NXPH4: variants seen among roughly 807,000 people sequenced by gnomAD.
The protein encoded by NXPH4 is neurexophilin-4.
Under a neutral mutation model 21.3 loss-of-function variants are expected in NXPH4, and 8 were observed. The ratio of observed to expected loss-of-function variants is 0.38; its 90% CI spans 0.22 to 0.68. The LOEUF (loss-of-function observed/expected upper bound fraction) is 0.68, where lower values mean the gene tolerates loss of function less well. Among genes scored for constraint, NXPH4 ranks in the 30% least tolerant of loss-of-function variants. The pLI, the probability that NXPH4 is intolerant of heterozygous loss-of-function variation, is 0.53. For synonymous variants in NXPH4, 219 were observed against 192.6 expected, an observed-to-expected ratio of 1.14 and a Z score of -1.13; for missense variants, 418 against 416.8, an observed-to-expected ratio of 1.00 and a Z score of -0.03.
chr12:57,225,791 C>T lies in NXPH4; in HGVS notation c.*44C>T. The T allele has an allele frequency of 6.3e-7, 1 of 1,579,738 alleles. No homozygotes were observed. Among genetic ancestry groups the T allele is most frequent in the South Asian group, 1.2e-5 (1 of 86,374 alleles). On this transcript the variant is annotated 3_prime_UTR_variant, in exon 2 of 2. Transcript: ENST00000349394. ...CCTGAGCCTCCCGCCAAATCCCAGC[C>T]TCACTAGGTGGGACCCCCTTCCCAG...
intron 1 of NXPH4, chr12:57,221,535 C>T (rs1565763065): frequency 5.5e-6 from 2 of 364,172 alleles, no homozygotes; most frequent in Non-Finnish European, 1.1e-5. Context: ...GCCACCTCAA[C>T]TCCCTGCAGG....
intron 1 of NXPH4, chr12:57,221,635 C>G (rs960658686): frequency 5.6e-5 from 16 of 286,826 alleles, no homozygotes; most frequent in Non-Finnish European, 8.5e-5. Flanking sequence ...CTGAACCCCC[C>G]AGCTGCCGCG....
chr12:57,221,519 C>G, intron 1 of NXPH4: 2 of 368,970 alleles, frequency 5.4e-6, no homozygotes, highest in East Asian at 7.5e-5. Flanking sequence ...CCCCCAGCAG[C>G]AGGAGGCCAC....
Position 57,217,014 on chromosome 12 carries a change from G to T in NXPH4, c.45G>T (p.Trp15Cys). 1 of 1,606,650 alleles carries T rather than the reference G, an allele frequency of 6.2e-7. No homozygotes were observed. Among genetic ancestry groups the T allele is most frequent in the South Asian group, 1.1e-5 (1 of 89,860 alleles). Residue 15 changes from tryptophan (W) to cysteine (C), a missense_variant, in exon 1 of 2, where the codon TGG becomes TGT. By Grantham distance (215) the Trp-to-Cys change is radical (BLOSUM62 -2). Coordinates refer to ENST00000349394, the MANE Select transcript of NXPH4 (RefSeq NM_007224.4). Reference sequence around the variant, plus strand: ...GGTTCCTCTTGCTCTTTGGCCCGTGGCTCCTTAGGAAGGTAAGAGTGGCAG... The same window carrying T: ...GGTTCCTCTTGCTCTTTGGCCCGTGTCTCCTTAGGAAGGTAAGAGTGGCAG... The part of the protein sequence containing the change: ...PEWFLLLFGP[W>C]LLRKAVSAQI...
In NXPH4 at chr12:57,225,503, C is replaced by T. The variant is rs375808711; in HGVS notation, c.683C>T (p.Ser228Leu). The T allele has an allele frequency of 7.5e-6, 12 of 1,610,644 alleles. No homozygotes were observed. The highest frequency in any genetic ancestry group is 4.4e-5 in the South Asian group (4 of 90,936). Residue 228 changes from serine to leucine, a missense_variant, in exon 2 of 2, where the codon TCA (serine) becomes TTA (leucine). Physicochemically the swap from Ser to Leu is moderately radical, Grantham distance 145 (BLOSUM62 -2). Transcript: ENST00000349394. ...TTGGGAGTGCCTGGGGCCAAAGAGTCACGCGCTTTCAATTGCCACGTGGAG... is the reference window on the plus strand; with the variant it reads ...TTGGGAGTGCCTGGGGCCAAAGAGTTACGCGCTTTCAATTGCCACGTGGAG... ...GALGVPGAKE[S>L]RAFNCHVEYE... is the part of the protein sequence containing the mutation.
chr12:57,217,099 G>T, intron 1 of NXPH4, 73 bp downstream of exon 1: 1 of 1,301,544 alleles, frequency 7.7e-7, no homozygotes, highest in Non-Finnish European at 1.1e-6. Context: ...TGTGCGAGGG[G>T]CTCCGTGCGC....
intron 1 of NXPH4, chr12:57,221,634 C>T (rs1370514221): frequency 1.7e-5 from 5 of 285,998 alleles, no homozygotes; most frequent in Non-Finnish European, 3.6e-5. Context: ...GCTGAACCCC[C>T]CAGCTGCCGC....
In NXPH4 at chr12:57,216,952, G is replaced by T. The variant is rs1414001636; in HGVS notation, c.-18G>T. The T allele has an allele frequency of 3.8e-6, 6 of 1,578,068 alleles. No homozygotes were observed. Among genetic ancestry groups the T allele is most frequent in the South Asian group, 1.2e-5 (1 of 86,798 alleles). On this transcript the variant is annotated 5_prime_UTR_variant, in exon 1 of 2. Transcript: ENST00000349394. The surrounding 1 kb of genome is among the most constrained non-coding windows in gnomAD (Gnocchi z 5.3). The stretch of plus-strand genomic sequence containing the variant: ...GCCCGAGACCCGCCCAGCCTGCCCC[G>T]CTCAGCCGCCAGAGAAGATGCGGCT...
Position 57,216,909 on chromosome 12 carries a change from T to G in NXPH4, c.-61T>G. 1 of 1,331,558 alleles carries G rather than the reference T, an allele frequency of 7.5e-7. No homozygotes were observed. The highest frequency in any genetic ancestry group is 1.0e-6 in the Non-Finnish European group (1 of 998,718). 82.5% of individuals were successfully genotyped at this position (1,331,558 alleles called of 1,614,324 possible). A position where few individuals can be genotyped will look rare whatever the true frequency, so the allele number is the denominator to read the frequency against. ...CCGCCCGCCCGGAGCCCCGCGTCCC[T>G]AGGCCTGGCTCCCGCCTGCCCGAGA... On this transcript the variant is annotated 5_prime_UTR_variant, in exon 1 of 2. Coordinates refer to ENST00000349394, the MANE Select transcript of NXPH4 (RefSeq NM_007224.4). This position sits in a 1 kb window ranked among gnomAD's most constrained non-coding sequence, Gnocchi z 5.3.
At chr12:57,217,307 A>T (rs2037050604) in intron 1 of NXPH4, among the ~76,000 whole-genome samples, 1 of 152,214 alleles carries the variant, frequency 6.6e-6, no homozygotes, top group African/African-American at 2.4e-5. Flanking sequence ...CGAGTGCGCC[A>T]GACAGAGCGG....
In NXPH4 at chr12:57,225,081, C is replaced by T; in HGVS notation, c.261C>T (p.Pro87=). 7 of 1,480,142 alleles carry T rather than the reference C, an allele frequency of 4.7e-6. No individual in the cohort carries two copies. Among genetic ancestry groups the T allele is most frequent in the East Asian group, 2.5e-5 (1 of 39,940 alleles). 91.7% of individuals were successfully genotyped at this position (1,480,142 alleles called of 1,614,324 possible). Residue 87 remains proline (P), a synonymous_variant, in exon 2 of 2, where the codon CCC becomes CCT. Coordinates refer to ENST00000349394, the MANE Select transcript of NXPH4 (RefSeq NM_007224.4). ...GGGCAGGGGCAGCCGGGGCGTTGCC[C>T]GCGCAGCGCACCAAGAGGAAGCCGT... ...LARAGAAGAL[P]AQRTKRKPSI... is the part of the protein sequence containing the mutation.
At position 57,225,426 on chromosome 12, in the gene NXPH4, C is replaced by G. The variant is rs7979061; in HGVS notation, c.606C>G (p.Pro202=). The part of the protein sequence containing the change: ...PLGMAAAAAG[P]GLGGSLGGAL... ...GGATGGCAGCAGCAGCGGCGGGGCCCGGGCTTGGGGGCTCCCTCGGGGGCG... is the reference window on the plus strand; with the variant it reads ...GGATGGCAGCAGCAGCGGCGGGGCCGGGGCTTGGGGGCTCCCTCGGGGGCG... The change falls in exon 2 of 2, where the codon CCC becomes CCG. Residue 202 remains proline (P), a synonymous_variant. Coordinates refer to ENST00000349394, the MANE Select transcript of NXPH4 (RefSeq NM_007224.4). 1,595,000 of 1,603,166 alleles carry G rather than the reference C, an allele frequency of 0.99. 793,746 individuals are homozygous for G. Among genetic ancestry groups the G allele is most frequent in the East Asian group, 1 (44,738 of 44,738 alleles).
Position 57,224,894 on chromosome 12 carries a change from T to G in NXPH4, c.74T>G (p.Ile25Arg). The change falls in exon 2 of 2, where the codon ATA becomes AGA. Residue 25 changes from isoleucine to arginine, a missense_variant. Physicochemically the swap from Ile to Arg is moderately conservative, Grantham distance 97. Transcript: ENST00000349394. ...WLLRKAVSAQ[I>R]PESGRPQYLG... ...CGTGCACAGGCCGTCAGTGCCCAGA[T>G]ACCAGAGTCCGGAAGGCCGCAGTAC... The G allele has an allele frequency of 1.9e-6, 2 of 1,052,428 alleles. No homozygotes were observed. Among genetic ancestry groups the G allele is most frequent in the Non-Finnish European group, 2.6e-6 (2 of 765,336 alleles). The allele number at this position is 1,052,428 out of a possible 1,614,324, so 65.2% of individuals were successfully genotyped here.
In NXPH4 at chr12:57,226,080, C is replaced by T; in HGVS notation, c.*333C>T. 5.4e-6 allele frequency: 3 copies of T among 551,986 alleles called. No individual in the cohort carries two copies. Among genetic ancestry groups the T allele is most frequent in the Non-Finnish European group, 8.9e-6 (3 of 337,480 alleles). 34.2% of individuals were successfully genotyped at this position (551,986 alleles called of 1,614,324 possible). On this transcript the variant is annotated 3_prime_UTR_variant, in exon 2 of 2. Coordinates refer to ENST00000349394, the MANE Select transcript of NXPH4 (RefSeq NM_007224.4). ...ACCCTTGGCGCTAGGCTGCGCACTC[C>T]CTTTCCCCGCAGCTTTAATAACTCC...
Position 57,224,943 on chromosome 12 carries a change from C to A in NXPH4, c.123C>A (p.Ala41=). The change falls in exon 2 of 2, where the codon GCC becomes GCA. Residue 41 remains alanine, a synonymous_variant. Coordinates refer to ENST00000349394, the MANE Select transcript of NXPH4 (RefSeq NM_007224.4). ...ACCTGGGGCTGCGCCCCGCCGCGGC[C>A]GGAGCGGGTGCCCCCGGCCAGCAGC... ...PQYLGLRPAA[A]GAGAPGQQLP... 2 of 1,390,884 alleles carry A rather than the reference C, an allele frequency of 1.4e-6. No homozygotes were observed. Among genetic ancestry groups the A allele is most frequent in the South Asian group, 1.7e-5 (1 of 60,300 alleles). The allele number at this position is 1,390,884 out of a possible 1,614,324, so 86.2% of individuals were successfully genotyped here. A position where few individuals can be genotyped will look rare whatever the true frequency, so the allele number is the denominator to read the frequency against.
At position 57,225,324 on chromosome 12, in the gene NXPH4, G is replaced by A. The variant is rs147287568; in HGVS notation, c.504G>A (p.Leu168=). The A allele has an allele frequency of 3.8e-6, 6 of 1,559,284 alleles. No homozygotes were observed. The Admixed American group carries it at 5.5e-5, about 14-fold the overall frequency. ...GTGTCGAGTTCGGAGGAGTCTGGCT[G>A]CCCGGGCCTGTCCCCCACCCTCTGC... ...SKRVEFGGVW[L]PGPVPHPLQS... is the part of the protein sequence containing the mutation. Residue 168 remains leucine, a synonymous_variant, in exon 2 of 2, where the codon CTG becomes CTA. Transcript: ENST00000349394.
At chr12:57,219,175 C>G (rs2037066458) in intron 1 of NXPH4, among the ~76,000 whole-genome samples, 1 of 151,924 alleles carries the variant, frequency 6.6e-6, no homozygotes, top group South Asian at 2.1e-4. Context: ...TTTTGGCAAC[C>G]CTAACCATGA....
intron 1 of NXPH4, among the ~76,000 whole-genome samples, chr12:57,224,458 G>A (rs1174267686): frequency 3.3e-5 from 5 of 152,134 alleles, no homozygotes; most frequent in Admixed American, 3.3e-4. Flanking sequence ...ATGTTAATGT[G>A]GTCACAGCCT....
Position 57,226,286 on chromosome 12 carries a change from T to G in NXPH4, c.*539T>G. 3.7e-6 allele frequency: 1 copy of G among 267,758 alleles called. No individual in the cohort carries two copies. Among genetic ancestry groups the G allele is most frequent in the Non-Finnish European group, 7.0e-6 (1 of 142,574 alleles). The allele number at this position is 267,758 out of a possible 1,614,324, so 16.6% of individuals were successfully genotyped here. ...ATTAGGGTACCGGAAGCAGAACCCC[T>G]GGGCTGAGGCCCTGGCCCTGCCCCC... is the stretch of plus-strand genomic sequence containing the variant. On this transcript the variant is annotated 3_prime_UTR_variant, in exon 2 of 2. Coordinates refer to ENST00000349394, the MANE Select transcript of NXPH4 (RefSeq NM_007224.4).
Sources: gnomAD v4.1 joint callset for allele counts (sites outside exome capture counted in the v4.1 genomes callset) on GRCh38, gnomAD v4.1.1 for gene constraint, Gnocchi (gnomAD v3.1) non-coding constraint, MANE v1.5 for transcripts, NCBI Gene and HGNC (gene_info 2026-07-23, HGNC 2026-07-21) for gene names.